LRMDA: variants seen among roughly 807,000 people sequenced by gnomAD.
LRMDA encodes leucine-rich melanocyte differentiation-associated protein.
A neutral mutation model predicts 29.8 loss-of-function variants in LRMDA; 18 were observed. That is an observed-to-expected ratio of 0.60 (90% CI 0.42 to 0.90). LRMDA has a LOEUF of 0.90. LRMDA is among the 40% of genes least tolerant of loss of function. The pLI is 0.00. For missense variants in LRMDA, 273 were observed against 273.9 expected (o/e 1.00, Z 0.02); for synonymous variants, 125 against 109.4 (o/e 1.14, Z -0.89).
chr10:75,447,391 T>C (rs1844407676), intron 2 of LRMDA, among the ~76,000 whole-genome samples: 1 of 151,898 alleles, frequency 6.6e-6, no homozygotes, highest in Non-Finnish European at 1.5e-5. Flanking sequence ...CAGGGCGTGG[T>C]GGTGGGTGCT....
At chr10:76,032,756 C>T (rs950101358) in intron 2 of LRMDA, among the ~76,000 whole-genome samples, 4 of 152,090 alleles carry the variant, frequency 2.6e-5, no homozygotes, top group Non-Finnish European at 5.9e-5. Context: ...GATGATCTCC[C>T]TCCAGCTGGC....
chr10:76,401,993 G>T (rs1841853987), intron 6 of LRMDA, among the ~76,000 whole-genome samples: 1 of 152,068 alleles, frequency 6.6e-6, no homozygotes, highest in Non-Finnish European at 1.5e-5. Flanking sequence ...TAAACAAGAT[G>T]ATTTCAGAAA....
chr10:76,339,141 C>A (rs887909997), intron 6 of LRMDA, among the ~76,000 whole-genome samples: 1 of 151,874 alleles, frequency 6.6e-6, no homozygotes, highest in Non-Finnish European at 1.5e-5. Context: ...ATGAAACAGT[C>A]ACAAATTGGC....
chr10:76,515,808 T>A (rs373380048), intron 6 of LRMDA, among the ~76,000 whole-genome samples: 36 of 152,284 alleles, frequency 2.4e-4, no homozygotes, highest in African/African-American at 8.7e-4. Flanking sequence ...CCAGCCCCCA[T>A]CCTCTTAAAC....
At chr10:76,184,858 T>G (rs1186673403) in intron 5 of LRMDA, among the ~76,000 whole-genome samples, 1 of 152,224 alleles carries the variant, frequency 6.6e-6, no homozygotes, top group Non-Finnish European at 1.5e-5. Context: ...CGATGTGCAC[T>G]TTCGGAATCC....
chr10:76,133,202 C>T (rs1261889806), intron 5 of LRMDA, among the ~76,000 whole-genome samples: 1 of 151,918 alleles, frequency 6.6e-6, no homozygotes, highest in Admixed American at 6.6e-5. Context: ...ACCTCTTCAA[C>T]GCTATGCTAA....
chr10:75,682,450 A>T (rs200514633), intron 2 of LRMDA, among the ~76,000 whole-genome samples: 2 of 139,008 alleles, frequency 1.4e-5, no homozygotes, highest in South Asian at 2.3e-4. Flanking sequence ...TGTGTGTGTG[A>T]GACAGACACA....
intron 5 of LRMDA, among the ~76,000 whole-genome samples, chr10:76,207,999 C>T (rs1851568468): frequency 6.6e-6 from 1 of 152,118 alleles, no homozygotes; most frequent in Non-Finnish European, 1.5e-5. Context: ...TTCCTGTTCC[C>T]AGTGAGAAGG....
At chr10:75,481,336 G>C (rs1844854184) in intron 2 of LRMDA, among the ~76,000 whole-genome samples, 1 of 151,128 alleles carries the variant, frequency 6.6e-6, no homozygotes, top group Non-Finnish European at 1.5e-5. Flanking sequence ...CCAGAGGCTG[G>C]GGAAAGAGCA....
At chr10:75,594,239 G>A (rs1840758389) in intron 2 of LRMDA, among the ~76,000 whole-genome samples, 1 of 152,200 alleles carries the variant, frequency 6.6e-6, no homozygotes, top group African/African-American at 2.4e-5. Context: ...TGGGGGACCG[G>A]GATGCTGCTC....
intron 2 of LRMDA, among the ~76,000 whole-genome samples, chr10:75,872,713 C>T (rs536285460): frequency 6.6e-6 from 1 of 152,230 alleles, no homozygotes; most frequent in East Asian, 1.9e-4. Flanking sequence ...ACAGTATTTG[C>T]CTGTTTACCT....
chr10:75,622,630 C>G (rs1841203140), intron 2 of LRMDA, among the ~76,000 whole-genome samples: 1 of 152,190 alleles, frequency 6.6e-6, no homozygotes, highest in Admixed American at 6.5e-5. Flanking sequence ...GTCACAGACG[C>G]ATTCTTAAAC....
At chr10:75,651,003 A>G (rs1260229802) in intron 2 of LRMDA, among the ~76,000 whole-genome samples, 1 of 152,172 alleles carries the variant, frequency 6.6e-6, no homozygotes, top group East Asian at 1.9e-4. Context: ...TGAAAAGAGA[A>G]AAAAAACACT....
At chr10:75,973,419 CT>C (rs5786207) in intron 2 of LRMDA, among the ~76,000 whole-genome samples, 414 of 136,966 alleles carry the variant, frequency 3.0e-3, no homozygotes, top group Admixed American at 3.8e-3. Flanking sequence ...TGCCCTTGTC[CT>C]TTTTTTTTTT....
intron 2 of LRMDA, among the ~76,000 whole-genome samples, chr10:76,013,359 C>T (rs1564630237): frequency 1.3e-5 from 2 of 151,726 alleles, no homozygotes; most frequent in Non-Finnish European, 2.9e-5. Context: ...ATTTTTCTCC[C>T]CTTCAGTGAG....
chr10:75,657,757 G>A (rs1841697305), intron 2 of LRMDA, among the ~76,000 whole-genome samples: 1 of 152,178 alleles, frequency 6.6e-6, no homozygotes, highest in Non-Finnish European at 1.5e-5. Context: ...AAACTGGTGG[G>A]CAAATTGGGG....
intron 2 of LRMDA, among the ~76,000 whole-genome samples, chr10:76,031,397 C>G (rs1848147576): frequency 6.6e-6 from 1 of 152,194 alleles, no homozygotes; most frequent in Non-Finnish European, 1.5e-5. Flanking sequence ...GGCTGCCCTC[C>G]TTGCCACTGG....
At chr10:76,501,349 C>G (rs970789124) in intron 6 of LRMDA, among the ~76,000 whole-genome samples, 2 of 151,854 alleles carry the variant, frequency 1.3e-5, no homozygotes, top group Non-Finnish European at 2.9e-5. Context: ...GTACATGTGT[C>G]TTTTTGGTAG....
At chr10:75,772,873 G>GGGGGGGGGGGGT in intron 2 of LRMDA, among the ~76,000 whole-genome samples, 1 of 118,130 alleles carries the variant, frequency 8.5e-6, no homozygotes. Flanking sequence ...GTGGGATGGG[G>GGGGGGGGGGGGT]GGGGGCAGAT....
Sources: allele counts gnomAD v4.1 joint callset (sites outside exome capture counted in the v4.1 genomes callset), GRCh38; gene constraint gnomAD v4.1.1; transcripts MANE v1.5; gene names NCBI Gene and HGNC (gene_info 2026-07-23, HGNC 2026-07-21).